Variants in SNTG2 observed in about 807,000 individuals in gnomAD.
The protein encoded by SNTG2 is syntrophin gamma 2, also known as gamma-2-syntrophin.
In SNTG2, 74 loss-of-function variants were observed where a neutral mutation model predicts 70.9. The observed-to-expected ratio is 1.04, with a 90% CI of 0.86 to 1.27. The LOEUF (loss-of-function observed/expected upper bound fraction) is 1.27, where lower values mean the gene tolerates loss of function less well. Ranked by LOEUF, SNTG2 falls within the 50% of genes most tolerant of loss-of-function variation. The pLI, the probability that SNTG2 is intolerant of heterozygous loss-of-function variation, is 0.00. For missense variants in SNTG2, 717 were observed against 690.7 expected (o/e 1.04, Z -0.43); for synonymous variants, 278 against 273.8 (o/e 1.02, Z -0.15).
At chr2:1,275,363 A>G (rs1679225630) in intron 14 of SNTG2, among the ~76,000 whole-genome samples, 1 of 152,180 alleles carries the variant, frequency 6.6e-6, no homozygotes, top group Non-Finnish European at 1.5e-5. Flanking sequence ...TATCACTGCC[A>G]TTTTTCCAGC....
At chr2:1,179,906 A>T (rs1671745571) in intron 8 of SNTG2, among the ~76,000 whole-genome samples, 1 of 141,834 alleles carries the variant, frequency 7.1e-6, no homozygotes, top group Non-Finnish European at 1.5e-5. Context: ...CCTCAGAAAT[A>T]ATGCCGTGTA....
intron 1 of SNTG2, among the ~76,000 whole-genome samples, chr2:1,027,067 G>A (rs1018238567): frequency 2.6e-5 from 4 of 152,210 alleles, no homozygotes; most frequent in African/African-American, 9.7e-5. Flanking sequence ...TGCTGCTGCA[G>A]TTAGTTCTCT....
intron 6 of SNTG2, among the ~76,000 whole-genome samples, chr2:1,152,401 G>T (rs146010458): frequency 6.6e-6 from 1 of 152,176 alleles, no homozygotes; most frequent in Non-Finnish European, 1.5e-5. Context: ...GCATGCTGGT[G>T]TGCATATACA....
chr2:1,113,145 G>A, intron 4 of SNTG2, among the ~76,000 whole-genome samples: 1 of 151,008 alleles, frequency 6.6e-6, no homozygotes, highest in Admixed American at 6.6e-5. Flanking sequence ...ACAGTCCTTT[G>A]AGGAGGATCG....
chr2:1,356,820 T>C (rs1052062785), intron 16 of SNTG2, among the ~76,000 whole-genome samples: 1 of 152,192 alleles, frequency 6.6e-6, no homozygotes, highest in African/African-American at 2.4e-5. Flanking sequence ...TTTTATTTAC[T>C]TGTGTCTTTA....
At chr2:1,177,889 A>G (rs1671589766) in intron 8 of SNTG2, among the ~76,000 whole-genome samples, 1 of 152,210 alleles carries the variant, frequency 6.6e-6, no homozygotes, top group South Asian at 2.1e-4. Flanking sequence ...AAAGATTAGC[A>G]GTGATTGCAT....
At chr2:1,024,337 G>A (rs1404953232) in intron 1 of SNTG2, among the ~76,000 whole-genome samples, 86 of 152,138 alleles carry the variant, frequency 5.7e-4, no homozygotes, top group Non-Finnish European at 5.9e-5. Flanking sequence ...TTCTATAAGT[G>A]AAATTATACT....
At chr2:1,163,024 G>C (rs1670434183) in intron 6 of SNTG2, among the ~76,000 whole-genome samples, 1 of 152,210 alleles carries the variant, frequency 6.6e-6, no homozygotes, top group Non-Finnish European at 1.5e-5. Context: ...GGCCCAGCCT[G>C]TGGAGCATGA....
intron 8 of SNTG2, among the ~76,000 whole-genome samples, chr2:1,203,951 G>A (rs1277343015): frequency 1.3e-5 from 2 of 152,110 alleles, no homozygotes; most frequent in African/African-American, 2.4e-5. Flanking sequence ...ACAGGTGAAT[G>A]GATAAAAATG....
chr2:1,091,241 C>T (rs1001011698), intron 2 of SNTG2, among the ~76,000 whole-genome samples: 26 of 152,290 alleles, frequency 1.7e-4, no homozygotes, highest in East Asian at 5.8e-4. Flanking sequence ...CCCTGCTCCT[C>T]ATCACCTGCC....
chr2:1,208,302 A>G (rs1233654649), intron 8 of SNTG2, among the ~76,000 whole-genome samples: 6 of 75,740 alleles, frequency 7.9e-5, no homozygotes, highest in African/African-American at 2.8e-4. Flanking sequence ...TGTGAGGCAC[A>G]TCTGTGTGAG....
At chr2:1,166,521 C>T (rs1382799083) in intron 7 of SNTG2, among the ~76,000 whole-genome samples, 2 of 152,188 alleles carry the variant, frequency 1.3e-5, no homozygotes, top group Admixed American at 6.5e-5. Context: ...TCTCTCCTGC[C>T]CCGAGTGGCC....
At chr2:1,274,482 A>C (rs1464135068) in intron 14 of SNTG2, among the ~76,000 whole-genome samples, 1 of 152,210 alleles carries the variant, frequency 6.6e-6, no homozygotes, top group Non-Finnish European at 1.5e-5. Flanking sequence ...TAATTTCCAG[A>C]GCAATAGTTT....
At chr2:1,357,055 TA>T (rs1328656505) in intron 16 of SNTG2, among the ~76,000 whole-genome samples, 15 of 152,304 alleles carry the variant, frequency 9.8e-5, no homozygotes, top group African/African-American at 2.6e-4. Context: ...TTATTAGTTC[TA>T]ATTTTTTAGT....
chr2:1,152,580 GTGTGTGTGCACATGTGCATGTGTGTA>G (rs1357897345), intron 6 of SNTG2, among the ~76,000 whole-genome samples: 7 of 141,636 alleles, frequency 4.9e-5, no homozygotes, highest in Non-Finnish European at 1.5e-5. Context: ...ATGTGCATGT[GTGTGTGTGCACATGTGCATGTGTGTA>G]TGTGTGCACA....
Position 1,203,686 on chromosome 2 carries a change from A to G in SNTG2, c.592-5417A>G, listed in dbSNP as rs1160980168. Among the ~76,000 whole-genome samples the G allele has an allele frequency of 6.3e-4, 90 of 143,016 alleles. No individual in the cohort carries two copies. The South Asian group carries it at 9.5e-3, about 15-fold the overall frequency. The allele number at this position is 143,016 out of a possible 152,430, so 93.8% of individuals were successfully genotyped here. A position where few individuals can be genotyped will look rare whatever the true frequency, so the allele number is the denominator to read the frequency against. On this transcript the variant is annotated intron_variant, in intron 8 of 16. Transcript: ENST00000308624. Reference sequence around the variant, plus strand: ...AACAAAAAAAAAAATATATATATATATATATGTGTGTGTGTGTGTGTGTGT... The same window carrying G: ...AACAAAAAAAAAAATATATATATATGTATATGTGTGTGTGTGTGTGTGTGT...
intron 14 of SNTG2, among the ~76,000 whole-genome samples, chr2:1,283,829 G>T: frequency 6.6e-6 from 1 of 152,162 alleles, no homozygotes; most frequent in East Asian, 1.9e-4. Context: ...CTTGGGCATG[G>T]ATAACTACCT....
intron 1 of SNTG2, among the ~76,000 whole-genome samples, chr2:1,005,807 AT>A (rs1327505839): frequency 0.26 from 406 of 1,566 alleles, 21 homozygotes; most frequent in Middle Eastern, 0.5. Flanking sequence ...CTGCCTCAAA[AT>A]ATATATATAT....
At chr2:1,163,432 T>A (rs1357986025) in intron 6 of SNTG2, 1 of 148,956 alleles carries the variant, frequency 6.7e-6, no homozygotes, top group Non-Finnish European at 1.5e-5. Context: ...CAACAGGAAG[T>A]AGGCACGTGA....
Sources: allele counts gnomAD v4.1 joint callset (sites outside exome capture counted in the v4.1 genomes callset), GRCh38; gene constraint gnomAD v4.1.1; transcripts MANE v1.5; gene names NCBI Gene and HGNC (gene_info 2026-07-23, HGNC 2026-07-21).